The following MAPK10 variants were observed in gnomAD, a reference collection of about 807,000 sequenced individuals.
MAPK10 encodes JNK3 alpha protein kinase.
A neutral mutation model predicts 59.3 loss-of-function variants in MAPK10; 25 were observed. The ratio of observed to expected loss-of-function variants is 0.42; its 90% confidence interval spans 0.31 to 0.59. The LOEUF is 0.59. MAPK10 is among the 20% of genes least tolerant of loss of function. MAPK10 has a pLI of 0.15. For missense variants in MAPK10, 351 were observed against 568.9 expected (o/e 0.62, Z 3.90); for synonymous variants, 190 against 200.5 (o/e 0.95, Z 0.44).
chr4:86,403,709 G>A (rs966221279), intron 1 of MAPK10, among the ~76,000 whole-genome samples: 1 of 152,082 alleles, frequency 6.6e-6, no homozygotes, highest in Non-Finnish European at 1.5e-5. Context: ...CAGGGGAAAT[G>A]CCAGATGCTA....
chr4:86,056,664 T>C (rs1407361224), intron 11 of MAPK10, among the ~76,000 whole-genome samples: 2 of 149,982 alleles, frequency 1.3e-5, no homozygotes, highest in Non-Finnish European at 3.0e-5. Context: ...TAAAAGTCAG[T>C]GATAATAAGG....
Position 86,029,177 on chromosome 4 carries a change from T to C in MAPK10, c.1252+20A>G. 1 of 1,547,194 alleles carries C rather than the reference T, an allele frequency of 6.5e-7. No homozygotes were observed. On this transcript the variant is annotated intron_variant, in intron 13 of 13. Transcript: ENST00000641462. The stretch of plus-strand genomic sequence containing the variant: ...ATTACACAAGTACTAGTTTATTGGT[T>C]ATTCACGGAGAGTGAGTACCTGAAG...
At chr4:86,177,415 C>A (rs536063853) in intron 3 of MAPK10, among the ~76,000 whole-genome samples, 1 of 152,146 alleles carries the variant, frequency 6.6e-6, no homozygotes, top group Non-Finnish European at 1.5e-5. Context: ...AGTCTTTATT[C>A]CAACTAGGAT....
At chr4:86,569,842 T>TG (rs1761328584) in intron 1 of MAPK10, among the ~76,000 whole-genome samples, 1 of 152,094 alleles carries the variant, frequency 6.6e-6, no homozygotes, top group African/African-American at 2.4e-5. Context: ...AAATACCACC[T>TG]GTTCAGTACA....
chr4:86,560,930 T>C (rs547305339), intron 1 of MAPK10, among the ~76,000 whole-genome samples: 104 of 152,354 alleles, frequency 6.8e-4, no homozygotes, highest in Non-Finnish European at 9.6e-4. Flanking sequence ...GAGCAAAGCA[T>C]AGGAAATCCT....
intron 1 of MAPK10, among the ~76,000 whole-genome samples, chr4:86,541,930 T>C (rs1180487561): frequency 6.9e-6 from 1 of 145,840 alleles, no homozygotes; most frequent in Non-Finnish European, 1.5e-5. Context: ...ATTTTGTAAA[T>C]GCACATGAAT....
intron 2 of MAPK10, among the ~76,000 whole-genome samples, chr4:86,333,130 C>A (rs967345137): frequency 5.3e-5 from 8 of 152,062 alleles, no homozygotes; most frequent in African/African-American, 1.9e-4. Flanking sequence ...TTTTTAAAAA[C>A]CAACAAATTC....
chr4:86,515,828 GC>G (rs1756613477), intron 1 of MAPK10, among the ~76,000 whole-genome samples: 1 of 151,382 alleles, frequency 6.6e-6, no homozygotes, highest in African/African-American at 2.4e-5. Context: ...TTGTGCAGAA[GC>G]TTTTTAGTTT....
At chr4:86,529,082 AC>A (rs1336065825) in intron 1 of MAPK10, among the ~76,000 whole-genome samples, 1 of 152,162 alleles carries the variant, frequency 6.6e-6, no homozygotes, top group Non-Finnish European at 1.5e-5. Context: ...AAAGGAGAAA[AC>A]AAAAAGGAAG....
intron 2 of MAPK10, among the ~76,000 whole-genome samples, chr4:86,319,598 G>T (rs1407021146): frequency 6.6e-6 from 1 of 152,146 alleles, no homozygotes; most frequent in African/African-American, 2.4e-5. Context: ...TTCCAAACAA[G>T]CTCAGACATG....
At chr4:86,075,262 TC>T (rs1189339177) in intron 9 of MAPK10, among the ~76,000 whole-genome samples, 1 of 152,134 alleles carries the variant, frequency 6.6e-6, no homozygotes, top group Non-Finnish European at 1.5e-5. Flanking sequence ...TTTAAGCACT[TC>T]TCTGTATTGG....
upstream of MAPK10, among the ~76,000 whole-genome samples, chr4:86,362,746 C>T (rs2148986063): frequency 6.6e-6 from 1 of 152,186 alleles, no homozygotes; most frequent in African/African-American, 2.4e-5. Flanking sequence ...AAGTGAGATA[C>T]CATTTCATGC....
intron 2 of MAPK10, among the ~76,000 whole-genome samples, chr4:86,257,009 A>G (rs1346148474): frequency 6.6e-6 from 1 of 151,396 alleles, no homozygotes; most frequent in East Asian, 1.9e-4. Flanking sequence ...CTCGGCCTAT[A>G]CTCCATTTTT....
chr4:86,426,532 G>A (rs1029048108), intron 1 of MAPK10, among the ~76,000 whole-genome samples: 3 of 152,108 alleles, frequency 2.0e-5, no homozygotes, highest in Admixed American at 6.5e-5. Context: ...TTTAGATTCC[G>A]TCCTAAAAGT....
intron 5 of MAPK10, 108 bp downstream of exon 5, chr4:86,107,115 C>T: frequency 3.8e-6 from 3 of 795,368 alleles, no homozygotes; most frequent in Non-Finnish European, 6.1e-6. Context: ...TCTTAAGAGG[C>T]AGGAATTGCA....
At chr4:86,463,878 C>A (rs955922685) in intron 1 of MAPK10, among the ~76,000 whole-genome samples, 1 of 152,148 alleles carries the variant, frequency 6.6e-6, no homozygotes, top group African/African-American at 2.4e-5. Context: ...TTGAATAGAT[C>A]CAGAGAAGAC....
Position 86,194,340 on chromosome 4 carries a change from C to A in MAPK10, c.62G>T (p.Cys21Phe). Residue 21 changes from cysteine (C) to phenylalanine (F), a missense_variant, in exon 3 of 14, where the codon TGT (cysteine) becomes TTT (phenylalanine). Transcript: ENST00000641462. ...TTACCTGTAAGGAACACACACCTGA[C>A]AAAAGGCAATTTTCACATCCAATGT... is the stretch of plus-strand genomic sequence containing the variant. ...EPTLDVKIAF[C>F]QGFDKQVDVS... 6.2e-7 allele frequency: 1 copy of A among 1,613,204 alleles called. No homozygotes were observed. The highest frequency in any genetic ancestry group is 8.5e-7 in the Non-Finnish European group (1 of 1,179,288).
At chr4:86,538,755 G>A (rs955657078) in intron 1 of MAPK10, among the ~76,000 whole-genome samples, 3 of 152,108 alleles carry the variant, frequency 2.0e-5, no homozygotes, top group South Asian at 2.1e-4. Flanking sequence ...CAAAAAAGGG[G>A]AACTACTTCT....
chr4:86,201,351 C>A (rs1162628284), intron 2 of MAPK10, among the ~76,000 whole-genome samples: 1 of 151,922 alleles, frequency 6.6e-6, no homozygotes, highest in Non-Finnish European at 1.5e-5. Flanking sequence ...AGTTGCTTCA[C>A]ATCCCTGCCA....
Sources: allele counts gnomAD v4.1 joint callset (sites outside exome capture counted in the v4.1 genomes callset), GRCh38; gene constraint gnomAD v4.1.1; transcripts MANE v1.5; gene names NCBI Gene and HGNC (gene_info 2026-07-23, HGNC 2026-07-21).